The following DCAF8L2 variants were observed in gnomAD, a reference collection of about 807,000 sequenced individuals.
DCAF8L2 encodes the protein DDB1- and CUL4-associated factor 8-like protein 2.
For synonymous variants in DCAF8L2, 200 were observed against 190.9 expected, an observed-to-expected ratio of 1.05 and a Z score of -0.39; for missense variants, 430 against 490.7, an observed-to-expected ratio of 0.88 and a Z score of 1.17.
At chrX:27,520,849 G>A in the DCAF8L2 span, among the ~76,000 whole-genome samples, 6 of 111,919 alleles carry the variant, frequency 5.4e-5, no homozygotes, top group East Asian at 1.7e-3. Context: ...GAAATTTCTG[G>A]AGAGAATGTG....
At chrX:27,656,500 C>G (rs1929357724) in intron 2 of DCAF8L2, among the ~76,000 whole-genome samples, 1 of 111,378 alleles carries the variant, frequency 9.0e-6, no homozygotes, top group Admixed American at 9.6e-5. Context: ...CATAAAAAAA[C>G]TACCTCCATG....
chrX:27,534,226 T>C, the DCAF8L2 span, among the ~76,000 whole-genome samples: 4 of 100,165 alleles, frequency 4.0e-5, no homozygotes, highest in African/African-American at 1.1e-4. Context: ...AAAAAAAAAG[T>C]GTTTTTGCAT....
chrX:27,501,235 TC>T, the DCAF8L2 span, among the ~76,000 whole-genome samples: 3 of 96,759 alleles, frequency 3.1e-5, no homozygotes, highest in South Asian at 1.8e-3. Context: ...TCGTCCTACC[TC>T]CCCCTCCTCC....
chrX:27,735,845 T>C (rs1227599292), intron 4 of DCAF8L2, among the ~76,000 whole-genome samples: 1 of 111,393 alleles, frequency 9.0e-6, no homozygotes, highest in Admixed American at 9.6e-5. Flanking sequence ...CACCCACTAA[T>C]AGAATCGGAA....
the DCAF8L2 span, among the ~76,000 whole-genome samples, chrX:27,499,615 A>G: frequency 2.7e-5 from 3 of 111,475 alleles, no homozygotes; most frequent in Non-Finnish European, 5.6e-5. Context: ...ACTTACAATC[A>G]TGGCAGTGGG....
Position 27,724,271 on chromosome X carries a change from T to A in DCAF8L2, c.-59+8100T>A, listed in dbSNP as rs186321433. Reference sequence around the variant, plus strand: ...AAATAGTAGATTAAATTTATGTTTCTACTTGGTTTTAGATGATACGATTAC... The same window carrying A: ...AAATAGTAGATTAAATTTATGTTTCAACTTGGTTTTAGATGATACGATTAC... On this transcript the variant is annotated intron_variant, in intron 4 of 4. Coordinates refer to ENST00000451261, the MANE Select transcript of DCAF8L2 (RefSeq NM_001353450.2). Among the ~76,000 whole-genome samples the A allele has an allele frequency of 4.6e-4, 51 of 111,363 alleles. 1 individual carries two copies. The highest frequency in any genetic ancestry group is 1.6e-3 in the African/African-American group (49 of 30,876).
the DCAF8L2 span, among the ~76,000 whole-genome samples, chrX:27,472,228 T>C: frequency 8.9e-6 from 1 of 111,751 alleles, no homozygotes; most frequent in African/African-American, 3.3e-5. Flanking sequence ...CTTAAGCATT[T>C]GGACAGGCAA....
intron 1 of DCAF8L2, among the ~76,000 whole-genome samples, chrX:27,627,073 CA>C (rs766269451): frequency 0.025 from 768 of 30,670 alleles, 6 homozygotes; most frequent in Middle Eastern, 0.21. Context: ...ATGTTAAGAC[CA>C]AAAAAAAAAA....
intron 4 of DCAF8L2, among the ~76,000 whole-genome samples, 182 bp downstream of exon 4, chrX:27,716,353 T>A (rs1406552819): frequency 8.9e-6 from 1 of 112,541 alleles, no homozygotes; most frequent in Non-Finnish European, 1.9e-5. Context: ...AATAATAGTG[T>A]ACCTAATAAA....
the DCAF8L2 span, among the ~76,000 whole-genome samples, chrX:27,581,224 G>T: frequency 8.9e-6 from 1 of 111,743 alleles, no homozygotes; most frequent in East Asian, 2.8e-4. Context: ...GAACCTAGAA[G>T]TACTCTTCAT....
At chrX:27,519,944 G>A in the DCAF8L2 span, among the ~76,000 whole-genome samples, 1 of 111,459 alleles carries the variant, frequency 9.0e-6, no homozygotes, top group Admixed American at 9.5e-5. Context: ...AATGTAGGAT[G>A]CATTAAAATA....
intron 3 of DCAF8L2, among the ~76,000 whole-genome samples, chrX:27,690,766 CT>C (rs752560019): frequency 9.0e-6 from 1 of 111,700 alleles, no homozygotes; most frequent in Admixed American, 9.5e-5. Context: ...GAGTTTTGCT[CT>C]TTTTCTCTTT....
the DCAF8L2 span, among the ~76,000 whole-genome samples, chrX:27,544,072 G>A: frequency 9.0e-6 from 1 of 111,274 alleles, no homozygotes; most frequent in Non-Finnish European, 1.9e-5. Flanking sequence ...GTGAGAGTCT[G>A]GCACTTTTAA....
At chrX:27,729,660 C>T (rs188277207) in intron 4 of DCAF8L2, among the ~76,000 whole-genome samples, 1 of 111,830 alleles carries the variant, frequency 8.9e-6, no homozygotes, top group Non-Finnish European at 1.9e-5. Context: ...GTTCTCACAT[C>T]GTGGAAGGGA....
the DCAF8L2 span, among the ~76,000 whole-genome samples, chrX:27,488,544 TGTGTGTGTGTGTGTGTGTGC>T: frequency 8.5e-4 from 68 of 80,106 alleles, no homozygotes; most frequent in African/African-American, 2.1e-3. Flanking sequence ...TGTGTGTGTG[TGTGTGTGTGTGTGTGTGTGC>T]GCTTTCATAT....
intron 1 of DCAF8L2, among the ~76,000 whole-genome samples, chrX:27,626,955 C>A (rs1928036141): frequency 9.2e-6 from 1 of 108,912 alleles, no homozygotes; most frequent in African/African-American, 3.3e-5. Context: ...GAAATCAATT[C>A]TTTTGTTACA....
the DCAF8L2 span, among the ~76,000 whole-genome samples, chrX:27,509,590 T>C: frequency 8.9e-6 from 1 of 112,379 alleles, no homozygotes; most frequent in East Asian, 2.8e-4. Flanking sequence ...AATTCAACTT[T>C]GCATTTATGC....
At chrX:27,502,357 T>A in the DCAF8L2 span, among the ~76,000 whole-genome samples, 79 of 64,279 alleles carry the variant, frequency 1.2e-3, 1 homozygote, top group East Asian at 7.9e-3. Flanking sequence ...TATATATATA[T>A]ATATATATAT....
intron 1 of DCAF8L2, among the ~76,000 whole-genome samples, chrX:27,604,360 G>T (rs1926782262): frequency 1.8e-5 from 2 of 111,008 alleles, no homozygotes; most frequent in African/African-American, 6.5e-5. Flanking sequence ...CCAAGGAGAA[G>T]ATTTTCTAGG....
Sources: gnomAD v4.1 joint callset for allele counts (sites outside exome capture counted in the v4.1 genomes callset) on GRCh38, gnomAD v4.1.1 for gene constraint, MANE v1.5 for transcripts, NCBI Gene and HGNC (gene_info 2026-07-23, HGNC 2026-07-21) for gene names.